Variants in PDE1A observed in about 807,000 individuals in gnomAD.
The protein encoded by PDE1A is phosphodiesterase 1A.
A neutral mutation model predicts 61.7 loss-of-function variants in PDE1A; 35 were observed. That is an observed-to-expected ratio of 0.57 (90% confidence interval 0.43 to 0.75). The LOEUF (loss-of-function observed/expected upper bound fraction) is 0.75, where lower values mean the gene tolerates loss of function less well. Among genes scored for constraint, PDE1A ranks in the 30% least tolerant of loss-of-function variants. The pLI is 0.00. For missense variants in PDE1A, 597 were observed against 630.6 expected, an observed-to-expected ratio of 0.95 and a Z score of 0.57; for synonymous variants, 232 against 213.2, an observed-to-expected ratio of 1.09 and a Z score of -0.77.
chr2:182,602,990 C>T, the PDE1A span, among the ~76,000 whole-genome samples: 21 of 137,846 alleles, frequency 1.5e-4, no homozygotes, highest in Admixed American at 1.5e-3. Context: ...ATCACACACA[C>T]ACACATACAT....
chr2:182,464,359 G>A (rs1007981131), intron 2 of PDE1A, among the ~76,000 whole-genome samples: 3 of 151,996 alleles, frequency 2.0e-5, no homozygotes, highest in Non-Finnish European at 2.9e-5. Context: ...AAACAGCAGC[G>A]ATGAGTGAAA....
chr2:182,174,694 C>T (rs2368255), intron 13 of PDE1A, among the ~76,000 whole-genome samples: 39,735 of 151,924 alleles, frequency 0.26, 6,259 homozygotes, highest in Non-Finnish European at 0.34. Context: ...TTGTCCTACA[C>T]GTTGCATAAA....
chr2:182,526,693 G>T (rs757026016), upstream of PDE1A, among the ~76,000 whole-genome samples: 4 of 152,178 alleles, frequency 2.6e-5, no homozygotes, highest in Non-Finnish European at 5.9e-5. Flanking sequence ...ATGATCTTGG[G>T]TTAGTGGCAT....
At chr2:182,653,228 G>A in the PDE1A span, among the ~76,000 whole-genome samples, 1 of 152,114 alleles carries the variant, frequency 6.6e-6, no homozygotes, top group Non-Finnish European at 1.5e-5. Flanking sequence ...AGGAAAACAT[G>A]AATTCCATCC....
chr2:182,252,570 G>A (rs181051159), intron 2 of PDE1A, among the ~76,000 whole-genome samples: 2 of 152,262 alleles, frequency 1.3e-5, no homozygotes, highest in East Asian at 3.9e-4. Context: ...CCAGATTAAC[G>A]AAGAGTAGTC....
At chr2:182,622,340 C>T in the PDE1A span, among the ~76,000 whole-genome samples, 1 of 152,164 alleles carries the variant, frequency 6.6e-6, no homozygotes, top group African/African-American at 2.4e-5. Context: ...TTTTTAAAAA[C>T]TACTCAAGGT....
At chr2:182,257,906 G>A (rs1002607368) in intron 2 of PDE1A, among the ~76,000 whole-genome samples, 9 of 152,150 alleles carry the variant, frequency 5.9e-5, no homozygotes, top group East Asian at 1.9e-4. Flanking sequence ...GGTGGCTCAC[G>A]CCTGTAATCC....
At chr2:182,561,740 G>A in the PDE1A span, among the ~76,000 whole-genome samples, 1 of 151,908 alleles carries the variant, frequency 6.6e-6, no homozygotes, top group East Asian at 1.9e-4. Context: ...CTTGAGCAGT[G>A]GTTTGTAGTT....
chr2:182,143,176 T>A (rs1264515428), downstream of PDE1A: 1 of 152,228 alleles, frequency 6.6e-6, no homozygotes, highest in Admixed American at 6.5e-5. Flanking sequence ...ACATGGTTAC[T>A]GTAGTTAAAA....
At chr2:182,562,552 G>C in the PDE1A span, among the ~76,000 whole-genome samples, 1,508 of 152,112 alleles carry the variant, frequency 9.9e-3, 21 homozygotes, top group African/African-American at 0.034. Flanking sequence ...TTTGGTATCA[G>C]GATGATGCTG....
At chr2:182,355,372 A>C (rs1313192872) in intron 1 of PDE1A, among the ~76,000 whole-genome samples, 1 of 151,898 alleles carries the variant, frequency 6.6e-6, no homozygotes, top group Non-Finnish European at 1.5e-5. Context: ...AATGACTCAT[A>C]TTTGTAAAAC....
chr2:182,538,354 AT>A, the PDE1A span, among the ~76,000 whole-genome samples: 1 of 152,206 alleles, frequency 6.6e-6, no homozygotes, highest in Non-Finnish European at 1.5e-5. Flanking sequence ...AGTGTTTGAA[AT>A]AAAGTAAGTG....
intron 1 of PDE1A, among the ~76,000 whole-genome samples, chr2:182,361,858 T>C (rs1699531207): frequency 6.6e-6 from 1 of 151,934 alleles, no homozygotes; most frequent in Admixed American, 6.6e-5. Flanking sequence ...TCCCTTGACT[T>C]TTCTAGATCC....
At chr2:182,586,444 G>A in the PDE1A span, among the ~76,000 whole-genome samples, 1 of 152,088 alleles carries the variant, frequency 6.6e-6, no homozygotes, top group Admixed American at 6.6e-5. Flanking sequence ...TCTTAAAACT[G>A]CTTCCAAACC....
chr2:182,253,253 C>T (rs1392220862), intron 2 of PDE1A, among the ~76,000 whole-genome samples: 3 of 152,140 alleles, frequency 2.0e-5, no homozygotes, highest in Non-Finnish European at 4.4e-5. Context: ...TGACAGGTGA[C>T]ATCAAACCTA....
chr2:182,424,750 T>C (rs1326166918), intron 1 of PDE1A, among the ~76,000 whole-genome samples: 1 of 152,172 alleles, frequency 6.6e-6, no homozygotes, highest in African/African-American at 2.4e-5. Context: ...ATCTCCCTTT[T>C]CCCTAATCAC....
the PDE1A span, among the ~76,000 whole-genome samples, chr2:182,572,889 A>AT: frequency 5.4e-4 from 82 of 151,292 alleles, no homozygotes; most frequent in African/African-American, 1.9e-3. Flanking sequence ...AAAAAAAAAA[A>AT]GTGAAAGATA....
At chr2:182,449,912 T>A (rs1383193433) in intron 2 of PDE1A, among the ~76,000 whole-genome samples, 1 of 152,070 alleles carries the variant, frequency 6.6e-6, no homozygotes, top group African/African-American at 2.4e-5. Flanking sequence ...ATGTAGCATT[T>A]AAATTTAAAT....
At chr2:182,445,134 C>T (rs2125693440) in intron 2 of PDE1A, among the ~76,000 whole-genome samples, 1 of 152,192 alleles carries the variant, frequency 6.6e-6, no homozygotes, top group African/African-American at 2.4e-5. Context: ...CATATTTTCC[C>T]CAGCATTTAC....
Sources: allele counts gnomAD v4.1 joint callset (sites outside exome capture counted in the v4.1 genomes callset), GRCh38; gene constraint gnomAD v4.1.1; transcripts MANE v1.5; gene names NCBI Gene and HGNC (gene_info 2026-07-23, HGNC 2026-07-21).